Variants in R3HDM2 observed in about 807,000 individuals in gnomAD.
R3HDM2 encodes R3H domain containing 2, also known as R3H domain-containing protein 2.
Under a neutral mutation model 124.5 loss-of-function variants are expected in R3HDM2, and 38 were observed. The observed-to-expected ratio is 0.31, with a 90% CI of 0.24 to 0.40. The LOEUF is 0.40. Ranked by LOEUF, R3HDM2 falls within the 10% of genes least tolerant of loss-of-function variation. R3HDM2 has a pLI of 1.00. For synonymous variants in R3HDM2, 391 were observed against 448.0 expected, an observed-to-expected ratio of 0.87 and a Z score of 1.61; for missense variants, 869 against 1,236.9, an observed-to-expected ratio of 0.70 and a Z score of 4.46.
chr12:57,398,647 C>G (rs868561561), intron 1 of R3HDM2, among the ~76,000 whole-genome samples: 1 of 152,110 alleles, frequency 6.6e-6, no homozygotes, highest in African/African-American at 2.4e-5. Flanking sequence ...CGCCACCATG[C>G]CCGGCTAATT....
At chr12:57,390,925 T>A (rs2066578107) in intron 2 of R3HDM2, among the ~76,000 whole-genome samples, 1 of 150,470 alleles carries the variant, frequency 6.6e-6, no homozygotes, top group African/African-American at 2.5e-5. Flanking sequence ...GACAGAAGAA[T>A]CACTTGAACC....
At chr12:57,385,134 A>G (rs1043346444) in intron 2 of R3HDM2, among the ~76,000 whole-genome samples, 1 of 151,996 alleles carries the variant, frequency 6.6e-6, no homozygotes, top group African/African-American at 2.4e-5. Context: ...AGCCTGGGCA[A>G]CAGAGTGAGA....
At chr12:57,384,515 T>G (rs563092348) in intron 2 of R3HDM2, among the ~76,000 whole-genome samples, 1 of 152,088 alleles carries the variant, frequency 6.6e-6, no homozygotes, top group Non-Finnish European at 1.5e-5. Context: ...AAATAACATA[T>G]GTAAAGTACA....
chr12:57,394,520 G>A (rs1566473848), intron 2 of R3HDM2, among the ~76,000 whole-genome samples: 1 of 152,122 alleles, frequency 6.6e-6, no homozygotes, highest in Non-Finnish European at 1.5e-5. Flanking sequence ...TGCAGTGAGT[G>A]AACTGAGATG....
intron 14 of R3HDM2, among the ~76,000 whole-genome samples, chr12:57,274,933 C>G (rs1327955560): frequency 3.3e-5 from 5 of 152,050 alleles, no homozygotes; most frequent in Non-Finnish European, 7.4e-5. Flanking sequence ...CATCAAAATA[C>G]CACCATCATT....
chr12:57,371,241 G>GT (rs2063345101), intron 2 of R3HDM2, among the ~76,000 whole-genome samples: 1 of 151,382 alleles, frequency 6.6e-6, no homozygotes. Context: ...AGGGTTAACT[G>GT]TTTAAAGAAG....
chr12:57,282,242 C>T (rs867249682), intron 13 of R3HDM2, among the ~76,000 whole-genome samples: 5 of 147,208 alleles, frequency 3.4e-5, no homozygotes, highest in South Asian at 2.1e-4. Flanking sequence ...ACCCGGGAGG[C>T]GGAGGTTGCA....
intron 2 of R3HDM2, among the ~76,000 whole-genome samples, chr12:57,354,117 C>A (rs1215572275): frequency 6.6e-6 from 1 of 151,900 alleles, no homozygotes; most frequent in Non-Finnish European, 1.5e-5. Flanking sequence ...TGTCTGCCCA[C>A]CTTGGCCTCC....
intron 11 of R3HDM2, among the ~76,000 whole-genome samples, chr12:57,291,552 G>A (rs1193352166): frequency 6.6e-6 from 1 of 151,814 alleles, no homozygotes; most frequent in African/African-American, 2.4e-5. Context: ...TACTCGGGAG[G>A]CTGAGGCAAG....
At position 57,365,257 on chromosome 12, in the gene R3HDM2, C is replaced by T. The variant is rs192598607; in HGVS notation, c.-36+30492G>A. ...CCAGCCTGGGTGACAGAGTGAGACTCTGTCTCCAAAAAAAAAGAAAAAAAA... is the reference window on the plus strand; with the variant it reads ...CCAGCCTGGGTGACAGAGTGAGACTTTGTCTCCAAAAAAAAAGAAAAAAAA... On this transcript the variant is annotated intron_variant, in intron 2 of 23. Transcript: ENST00000402412. Among the ~76,000 whole-genome samples the T allele has an allele frequency of 4.6e-3, 692 of 150,424 alleles. 4 individuals are homozygous for T. Among genetic ancestry groups the T allele is most frequent in the Admixed American group, 4.5e-3 (68 of 15,088 alleles).
At chr12:57,353,099 A>C (rs879405827) in intron 2 of R3HDM2, among the ~76,000 whole-genome samples, 1 of 152,100 alleles carries the variant, frequency 6.6e-6, no homozygotes, top group Non-Finnish European at 1.5e-5. Context: ...TTGAATAAGA[A>C]TTAGCACAAA....
chr12:57,281,869 C>T (rs1488996305), intron 13 of R3HDM2, among the ~76,000 whole-genome samples: 1 of 152,034 alleles, frequency 6.6e-6, no homozygotes, highest in Non-Finnish European at 1.5e-5. Context: ...TCAGTGATAT[C>T]GACAAAGTTG....
chr12:57,290,918 T>C (rs1444718354), intron 11 of R3HDM2, among the ~76,000 whole-genome samples: 3 of 152,112 alleles, frequency 2.0e-5, no homozygotes, highest in Non-Finnish European at 4.4e-5. Context: ...AACCAGTACT[T>C]GCTGCTATTA....
At chr12:57,411,450 C>T (rs1424532333) in intron 1 of R3HDM2, among the ~76,000 whole-genome samples, 1 of 152,182 alleles carries the variant, frequency 6.6e-6, no homozygotes, top group Non-Finnish European at 1.5e-5. Context: ...AGGCATGAGC[C>T]ATGGCCTAAT....
chr12:57,430,434 G>A (rs1175932062), intron 1 of R3HDM2: 4 of 802,498 alleles, frequency 5.0e-6, no homozygotes, highest in Admixed American at 1.2e-4. Flanking sequence ...AGCACTGGAA[G>A]GGCGCAATAG....
At chr12:57,278,211 A>C (rs1361631687) in intron 14 of R3HDM2, among the ~76,000 whole-genome samples, 3 of 152,144 alleles carry the variant, frequency 2.0e-5, no homozygotes, top group Non-Finnish European at 4.4e-5. Context: ...CTAACCTGGC[A>C]CCACACTCCC....
At chr12:57,308,815 TTTAA>T (rs1367569385) in intron 3 of R3HDM2, among the ~76,000 whole-genome samples, 1 of 152,260 alleles carries the variant, frequency 6.6e-6, no homozygotes, top group Non-Finnish European at 1.5e-5. Flanking sequence ...CAAAAGGTCA[TTTAA>T]TTATTATCTT....
chr12:57,421,172 T>C (rs1003467417), intron 1 of R3HDM2, among the ~76,000 whole-genome samples: 3 of 149,316 alleles, frequency 2.0e-5, no homozygotes, highest in African/African-American at 7.4e-5. Context: ...TTTTTTTTTT[T>C]TTTTTTTCTG....
intron 2 of R3HDM2, among the ~76,000 whole-genome samples, chr12:57,319,895 G>C (rs1053341992): frequency 6.6e-6 from 1 of 151,954 alleles, no homozygotes; most frequent in Non-Finnish European, 1.5e-5. Context: ...GAAGGCTCTC[G>C]TTACTCTTGG....
Sources: gnomAD v4.1 joint callset for allele counts (sites outside exome capture counted in the v4.1 genomes callset) on GRCh38, gnomAD v4.1.1 for gene constraint, MANE v1.5 for transcripts, NCBI Gene and HGNC (gene_info 2026-07-23, HGNC 2026-07-21) for gene names.